ZBBX: variants seen among roughly 807,000 people sequenced by gnomAD.
ZBBX encodes the protein zinc finger B-box domain containing, also known as zinc finger B-box domain-containing protein 1.
A neutral mutation model predicts 108.5 loss-of-function variants in ZBBX; 101 were observed. That is an observed-to-expected ratio of 0.93 (90% CI 0.79 to 1.10). The LOEUF (loss-of-function observed/expected upper bound fraction) is 1.10. Ranked by LOEUF, ZBBX falls within the 50% of genes least tolerant of loss-of-function variation. The probability of loss-of-function intolerance (pLI) is 0.00; values close to 1 mark genes in which losing one functional copy is unlikely to be tolerated. For missense variants in ZBBX, 1,009 were observed against 941.4 expected (o/e 1.07, Z -0.94); for synonymous variants, 356 against 323.4 (o/e 1.10, Z -1.08).
At chr3:167,369,456 G>A (rs765992016) in intron 4 of ZBBX, among the ~76,000 whole-genome samples, 4 of 152,162 alleles carry the variant, frequency 2.6e-5, no homozygotes, top group Non-Finnish European at 4.4e-5. Flanking sequence ...TGTCCTAAGC[G>A]GACACAATCG....
At chr3:167,308,649 A>G (rs1199705562) in intron 16 of ZBBX, among the ~76,000 whole-genome samples, 1 of 152,194 alleles carries the variant, frequency 6.6e-6, no homozygotes, top group South Asian at 2.1e-4. Flanking sequence ...TGTACTTTGC[A>G]TGGACATGGA....
chr3:167,300,115 C>T lies in ZBBX; in HGVS notation c.1726-1657G>A, dbSNP rs551189516. Among the ~76,000 whole-genome samples the T allele has an allele frequency of 2.0e-5, 3 of 152,298 alleles. No individual in the cohort carries two copies. In the South Asian group the frequency reaches 6.2e-4, roughly 32 times the overall value. ...TGGAAAATTTCTGTGAAACTATTTACACTTTTTTATTCCTCAGATATAATT... is the reference window on the plus strand; with the variant it reads ...TGGAAAATTTCTGTGAAACTATTTATACTTTTTTATTCCTCAGATATAATT... On this transcript the variant is annotated intron_variant, in intron 17 of 21. Transcript: ENST00000675490.
At chr3:167,229,606 T>C in the ZBBX span, among the ~76,000 whole-genome samples, 1 of 151,776 alleles carries the variant, frequency 6.6e-6, no homozygotes, top group Admixed American at 6.6e-5. Flanking sequence ...GAGCCTACAG[T>C]CAAGGACAGA....
chr3:167,346,701 T>TA (rs1390419077), intron 9 of ZBBX, among the ~76,000 whole-genome samples: 3 of 151,528 alleles, frequency 2.0e-5, no homozygotes, highest in African/African-American at 7.3e-5. Context: ...TGGTTAACAA[T>TA]AAAAAACAAA....
chr3:167,345,145 A>G lies in ZBBX; in HGVS notation c.528+5275T>C, dbSNP rs1047086632. Among the ~76,000 whole-genome samples the G allele has an allele frequency of 2.8e-4, 43 of 151,990 alleles. 1 individual carries two copies. The highest frequency in any genetic ancestry group is 1.0e-3 in the African/African-American group (43 of 41,514). On this transcript the variant is annotated intron_variant, in intron 9 of 21. Coordinates refer to ENST00000675490, the MANE Select transcript of ZBBX (RefSeq NM_001199201.2). ...ATTTCAGGAGCTTAATCAAACCACT[A>G]AGGACTCATTCACATTTCTATTTGT...
At chr3:167,188,822 A>G in the ZBBX span, among the ~76,000 whole-genome samples, 2 of 152,212 alleles carry the variant, frequency 1.3e-5, no homozygotes. Context: ...CTGTGGTGGA[A>G]AAGGTAAAGG....
intron 10 of ZBBX, among the ~76,000 whole-genome samples, chr3:167,332,264 G>A (rs139605399): frequency 5.6e-5 from 8 of 141,604 alleles, no homozygotes; most frequent in Non-Finnish European, 1.2e-4. Context: ...AATCACTGAG[G>A]AGTTAAACAC....
At chr3:167,261,043 C>T (rs908316228) in intron 20 of ZBBX, among the ~76,000 whole-genome samples, 10 of 152,168 alleles carry the variant, frequency 6.6e-5, no homozygotes, top group Non-Finnish European at 1.3e-4. Context: ...AGTACTCTCC[C>T]CCTATTCCTA....
chr3:167,338,189 G>T (rs1309574370), intron 9 of ZBBX, among the ~76,000 whole-genome samples: 1 of 152,072 alleles, frequency 6.6e-6, no homozygotes, highest in African/African-American at 2.4e-5. Flanking sequence ...TATAATGGTA[G>T]GATTTCATCT....
chr3:167,264,703 C>T (rs1408817310), intron 20 of ZBBX, among the ~76,000 whole-genome samples: 1 of 152,164 alleles, frequency 6.6e-6, no homozygotes, highest in African/African-American at 2.4e-5. Flanking sequence ...GTGTTTATAC[C>T]AGTGAGCTTT....
At chr3:167,350,542 T>C (rs771271579) in intron 8 of ZBBX, 27 bp from the exon 9 acceptor site, 4 of 1,470,086 alleles carry the variant, frequency 2.7e-6, no homozygotes, top group Non-Finnish European at 3.7e-6. Flanking sequence ...TAAAAAATTA[T>C]ACAATCTTAT....
chr3:167,187,348 T>G, the ZBBX span, among the ~76,000 whole-genome samples: 3 of 152,172 alleles, frequency 2.0e-5, no homozygotes, highest in Non-Finnish European at 4.4e-5. Flanking sequence ...ATCTTCTCCC[T>G]TCACCCTACC....
chr3:167,338,801 CAG>C (rs1740029253), intron 9 of ZBBX, among the ~76,000 whole-genome samples: 1 of 151,922 alleles, frequency 6.6e-6, no homozygotes, highest in Admixed American at 6.6e-5. Flanking sequence ...CATATACACA[CAG>C]AGAGAAAAAA....
intron 9 of ZBBX, among the ~76,000 whole-genome samples, chr3:167,338,773 TAG>T (rs1018391741): frequency 6.6e-6 from 1 of 151,892 alleles, no homozygotes; most frequent in South Asian, 2.1e-4. Context: ...GATATAGAGG[TAG>T]AGAGAGAGAT....
chr3:167,188,187 A>G, the ZBBX span, among the ~76,000 whole-genome samples: 1 of 152,220 alleles, frequency 6.6e-6, no homozygotes, highest in African/African-American at 2.4e-5. Flanking sequence ...ATTTTTTAAC[A>G]TAGTATTGGT....
intron 4 of ZBBX, 98 bp from the exon 5 acceptor site, chr3:167,368,672 A>C: frequency 7.7e-7 from 1 of 1,306,194 alleles, no homozygotes; most frequent in Middle Eastern, 2.7e-4. Flanking sequence ...CATGAATAAT[A>C]AATAAAATAT....
chr3:167,190,756 G>T, the ZBBX span, among the ~76,000 whole-genome samples: 52 of 152,198 alleles, frequency 3.4e-4, no homozygotes, highest in Admixed American at 1.0e-3. Flanking sequence ...CTCTGATGCA[G>T]GACCATTCAC....
chr3:167,294,150 C>A (rs1576915569), intron 18 of ZBBX, among the ~76,000 whole-genome samples: 1 of 152,074 alleles, frequency 6.6e-6, no homozygotes, highest in East Asian at 1.9e-4. Context: ...AATCCTATCC[C>A]CATCAAGTTA....
the ZBBX span, among the ~76,000 whole-genome samples, chr3:167,180,673 C>T: frequency 1.3e-5 from 2 of 152,314 alleles, no homozygotes; most frequent in South Asian, 4.1e-4. Context: ...GTTTAACTTG[C>T]CTTGTGGCAA....
Sources: allele counts gnomAD v4.1 joint callset (sites outside exome capture counted in the v4.1 genomes callset), GRCh38; gene constraint gnomAD v4.1.1; transcripts MANE v1.5; gene names NCBI Gene and HGNC (gene_info 2026-07-23, HGNC 2026-07-21).